TMEM65: variants seen among roughly 807,000 people sequenced by gnomAD.
The protein encoded by TMEM65 is transmembrane protein 65.
TMEM65 carries 22 observed loss-of-function variants against 25.4 expected under a neutral mutation model. The ratio of observed to expected loss-of-function variants is 0.86; its 90% CI spans 0.62 to 1.23. The LOEUF (loss-of-function observed/expected upper bound fraction) is 1.23. Ranked by LOEUF, TMEM65 falls within the 50% of genes most tolerant of loss-of-function variation. TMEM65 has a pLI of 0.00. For synonymous variants in TMEM65, 132 were observed against 126.2 expected, an observed-to-expected ratio of 1.05 and a Z score of -0.31; for missense variants, 262 against 308.2, an observed-to-expected ratio of 0.85 and a Z score of 1.12.
chr8:124,326,764 A>G (rs1814370634), intron 3 of TMEM65, among the ~76,000 whole-genome samples: 1 of 152,068 alleles, frequency 6.6e-6, no homozygotes, highest in Non-Finnish European at 1.5e-5. Context: ...GTAGTAAGAA[A>G]GGTAAGTCAG....
chr8:124,325,258 T>G (rs2131199847), intron 3 of TMEM65, among the ~76,000 whole-genome samples: 1 of 152,142 alleles, frequency 6.6e-6, no homozygotes, highest in African/African-American at 2.4e-5. Flanking sequence ...GTCATAGCTG[T>G]CCCACAATGA....
At chr8:124,360,212 CGA>C (rs986946328) in intron 1 of TMEM65, among the ~76,000 whole-genome samples, 46 of 152,036 alleles carry the variant, frequency 3.0e-4, no homozygotes, top group African/African-American at 1.1e-3. Context: ...AGGCAGATCA[CGA>C]GGTCAGGAGA....
intron 1 of TMEM65, among the ~76,000 whole-genome samples, chr8:124,336,998 C>G (rs1814516784): frequency 6.6e-6 from 1 of 151,748 alleles, no homozygotes; most frequent in South Asian, 2.1e-4. Context: ...AAACGTTACA[C>G]CCAAAATTCA....
intron 1 of TMEM65, chr8:124,351,266 T>C (rs1433894633): frequency 3.2e-6 from 1 of 316,650 alleles, no homozygotes; most frequent in African/African-American, 2.3e-5. Flanking sequence ...GTCATATAAC[T>C]GATAACGCAA....
chr8:124,344,023 G>C (rs753650333), intron 1 of TMEM65, among the ~76,000 whole-genome samples: 57 of 152,178 alleles, frequency 3.7e-4, no homozygotes, highest in Admixed American at 1.4e-3. Flanking sequence ...CAATAATGGA[G>C]CCTTAGACAA....
chr8:124,314,197 C>T, intron 6 of TMEM65, 136 bp from the exon 7 acceptor site: 2 of 671,934 alleles, frequency 3.0e-6, no homozygotes, highest in Non-Finnish European at 5.2e-6. Context: ...AATATTTATC[C>T]CTGTGTATAC....
At chr8:124,356,244 CTA>C (rs969506529) in intron 1 of TMEM65, among the ~76,000 whole-genome samples, 4 of 152,050 alleles carry the variant, frequency 2.6e-5, no homozygotes, top group African/African-American at 9.7e-5. Flanking sequence ...ATAAGGAAGG[CTA>C]TATAAGTATG....
chr8:124,346,177 A>G (rs114800703), intron 1 of TMEM65, among the ~76,000 whole-genome samples: 2 of 152,220 alleles, frequency 1.3e-5, no homozygotes, highest in Non-Finnish European at 2.9e-5. Context: ...GCGTGCAGGG[A>G]AAACTGCCAC....
intron 6 of TMEM65, among the ~76,000 whole-genome samples, chr8:124,318,666 C>T (rs1293058142): frequency 6.6e-6 from 1 of 151,874 alleles, no homozygotes; most frequent in East Asian, 1.9e-4. Context: ...ATGAGCCACC[C>T]CATCCAGCTG....
intron 3 of TMEM65, among the ~76,000 whole-genome samples, chr8:124,325,221 A>G (rs899631766): frequency 3.0e-4 from 46 of 151,992 alleles, no homozygotes; most frequent in African/African-American, 1.1e-3. Context: ...AGAATCAACT[A>G]TCTCCTCAAC....
chr8:124,310,559 AATG>A lies in TMEM65; in HGVS notation c.*3398_*3400del, dbSNP rs902139234. The A allele has an allele frequency of 3.0e-4, 46 of 152,290 alleles. No homozygotes were observed. Among genetic ancestry groups the A allele is most frequent in the African/African-American group, 1.1e-3 (45 of 41,562 alleles). 9.4% of individuals were successfully genotyped at this position (152,290 alleles called of 1,614,324 possible). ...TTAGCTATGAGAAAATAGAGATGAT[AATG>A]ATAATAGCCCCAACTTAATGTTGTC... On this transcript the variant is annotated 3_prime_UTR_variant, in exon 7 of 7. Coordinates refer to ENST00000297632, the MANE Select transcript of TMEM65 (RefSeq NM_194291.3).
At chr8:124,324,481 A>G (rs1202673312) in intron 3 of TMEM65, among the ~76,000 whole-genome samples, 2 of 152,118 alleles carry the variant, frequency 1.3e-5, no homozygotes, top group Non-Finnish European at 2.9e-5. Context: ...AAGAAGAAAT[A>G]AAGAGGAAGA....
At chr8:124,354,331 A>G (rs1814749700) in intron 1 of TMEM65, among the ~76,000 whole-genome samples, 1 of 152,202 alleles carries the variant, frequency 6.6e-6, no homozygotes, top group Admixed American at 6.5e-5. Flanking sequence ...AATTTGAATG[A>G]CATCAGAGTA....
chr8:124,336,900 AAG>A (rs1340978833), intron 1 of TMEM65, among the ~76,000 whole-genome samples: 2 of 151,910 alleles, frequency 1.3e-5, no homozygotes, highest in African/African-American at 4.8e-5. Flanking sequence ...GATAGACAAA[AAG>A]AGAATAAGAA....
intron 5 of TMEM65, among the ~76,000 whole-genome samples, chr8:124,320,499 T>C (rs1814291203): frequency 6.6e-6 from 1 of 152,208 alleles, no homozygotes; most frequent in East Asian, 1.9e-4. Flanking sequence ...TCTCTATTAT[T>C]ATTTTTAAAA....
chr8:124,309,521 T>C lies in TMEM65; in HGVS notation c.*4439A>G, dbSNP rs553426579. On this transcript the variant is annotated 3_prime_UTR_variant, in exon 7 of 7. Transcript: ENST00000297632. ...AATATGAAACAAAAAGAAAACATTT[T>C]ACAATGAATTCCAAAGTGAAACATA... 2 of 152,358 alleles carry C rather than the reference T, an allele frequency of 1.3e-5. No individual in the cohort carries two copies. The highest frequency in any genetic ancestry group is 1.3e-4 in the Admixed American group (2 of 15,294). 9.4% of individuals were successfully genotyped at this position (152,358 alleles called of 1,614,324 possible).
intron 1 of TMEM65, among the ~76,000 whole-genome samples, chr8:124,345,202 A>T (rs117542157): frequency 6.6e-6 from 1 of 152,322 alleles, no homozygotes; most frequent in East Asian, 1.9e-4. Flanking sequence ...AACTGCTCAG[A>T]CATGTCCAAA....
chr8:124,368,815 A>G (rs192923618), intron 1 of TMEM65, among the ~76,000 whole-genome samples: 1 of 152,336 alleles, frequency 6.6e-6, no homozygotes, highest in Non-Finnish European at 1.5e-5. Context: ...GAAATACTCA[A>G]CTAAGATGCT....
At chr8:124,324,632 G>A (rs904152230) in intron 3 of TMEM65, among the ~76,000 whole-genome samples, 10 of 152,012 alleles carry the variant, frequency 6.6e-5, no homozygotes, top group African/African-American at 1.4e-4. Context: ...GCAATGAATC[G>A]CTGGCAGTGG....
Sources: gnomAD v4.1 joint callset for allele counts (sites outside exome capture counted in the v4.1 genomes callset) on GRCh38, gnomAD v4.1.1 for gene constraint, MANE v1.5 for transcripts, NCBI Gene and HGNC (gene_info 2026-07-23, HGNC 2026-07-21) for gene names.